The following EI24 variants were observed in gnomAD, a reference collection of about 807,000 sequenced individuals.
EI24 encodes etoposide-induced protein 2.4 homolog.
Under a neutral mutation model 48.6 loss-of-function variants are expected in EI24, and 21 were observed. That is an observed-to-expected ratio of 0.43 (90% CI 0.31 to 0.62). The LOEUF is 0.62. Ranked by LOEUF, EI24 falls within the 20% of genes least tolerant of loss-of-function variation. EI24 has a pLI of 0.10. For synonymous variants in EI24, 114 were observed against 145.5 expected (o/e 0.78, Z 1.56); for missense variants, 280 against 410.5 (o/e 0.68, Z 2.75).
intron 9 of EI24, among the ~76,000 whole-genome samples, chr11:125,581,852 G>A (rs1328617315): frequency 1.3e-5 from 2 of 151,880 alleles, no homozygotes; most frequent in Admixed American, 6.6e-5. Context: ...CAGCCCTGCA[G>A]CAATGTTAAA....
intron 9 of EI24, 96 bp downstream of exon 9, chr11:125,581,418 T>C: frequency 1.5e-6 from 1 of 658,472 alleles, no homozygotes; most frequent in Non-Finnish European, 2.5e-6. Flanking sequence ...GCATTCTACA[T>C]CATCATTTGT....
chr11:125,583,210 C>T (rs1939087836), intron 10 of EI24, among the ~76,000 whole-genome samples: 1 of 152,120 alleles, frequency 6.6e-6, no homozygotes. Flanking sequence ...AAGCGATTCT[C>T]CTGCCTCAGC....
intron 10 of EI24, 125 bp downstream of exon 10, chr11:125,582,545 A>C (rs1453328067): frequency 7.0e-6 from 5 of 718,080 alleles, no homozygotes; most frequent in Non-Finnish European, 1.1e-5. Flanking sequence ...ATAAGGTTTA[A>C]TGAGAGAGAA....
chr11:125,580,178 G>T lies in EI24; in HGVS notation c.647G>T (p.Cys216Phe). Residue 216 changes from cysteine (C) to phenylalanine (F), a missense_variant, in exon 8 of 11, where the codon TGC (cysteine) becomes TTC (phenylalanine). By Grantham distance (205) the Cys-to-Phe change is radical. Transcript: ENST00000278903. ...ATGTCCCTTCTCTACTCACTGTACT[G>T]CTTTGAATATCGTTGGTTCAATAAA... ...LHMSLLYSLY[C>F]FEYRWFNKGI... 1 of 1,613,298 alleles carries T rather than the reference G, an allele frequency of 6.2e-7. No individual in the cohort carries two copies. Among genetic ancestry groups the T allele is most frequent in the Non-Finnish European group, 8.5e-7 (1 of 1,179,292 alleles).
chr11:125,572,431 C>A, intron 1 of EI24, 27 bp from the exon 2 acceptor site: 2 of 1,093,768 alleles, frequency 1.8e-6, no homozygotes, highest in Non-Finnish European at 2.8e-6. Context: ...TAAATATTTG[C>A]CTCCATTATG....
chr11:125,572,689 A>G (rs555170929), intron 2 of EI24, 120 bp downstream of exon 2: 1 of 937,326 alleles, frequency 1.1e-6, no homozygotes, highest in Non-Finnish European at 1.6e-6. Flanking sequence ...GGTTCTTTAC[A>G]TAAAGGTTGT....
intron 6 of EI24, among the ~76,000 whole-genome samples, chr11:125,578,747 G>A (rs192826550): frequency 2.0e-5 from 3 of 152,180 alleles, no homozygotes; most frequent in Admixed American, 1.3e-4. Flanking sequence ...GATTATAGGC[G>A]TGAGCCACGG....
At chr11:125,570,981 TC>T (rs1255225543) in intron 1 of EI24, among the ~76,000 whole-genome samples, 1 of 152,228 alleles carries the variant, frequency 6.6e-6, no homozygotes, top group Non-Finnish European at 1.5e-5. Context: ...AACAGAAGTT[TC>T]TTACCCTAGA....
rs1441885802 is a variant in EI24 at position 125,584,137 on chromosome 11, G to A, written c.*454G>A. On this transcript the variant is annotated 3_prime_UTR_variant, in exon 11 of 11. Coordinates refer to ENST00000278903, the MANE Select transcript of EI24 (RefSeq NM_004879.5). ...TACATTGGATATGGGAGGTAAAGGA[G>A]TGTCCCAGTTGCTCCTGGTCACTCC... 6.1e-6 allele frequency: 1 copy of A among 163,964 alleles called. No individual in the cohort carries two copies. The highest frequency in any genetic ancestry group is 1.3e-5 in the Non-Finnish European group (1 of 76,996). The allele number at this position is 163,964 out of a possible 1,614,324, so 10.2% of individuals were successfully genotyped here.
rs1203700327 is a variant in EI24 at position 125,579,088 on chromosome 11, C to T, written c.561+20C>T. ...ATTCAGGTGAGACTGACCTTCTGGG[C>T]ATATGGGCAGCTTTATTAAAAAGAA... On this transcript the variant is annotated intron_variant, in intron 7 of 10. Coordinates refer to ENST00000278903, the MANE Select transcript of EI24 (RefSeq NM_004879.5). 1 of 1,549,576 alleles carries T rather than the reference C, an allele frequency of 6.5e-7. No homozygotes were observed. Among genetic ancestry groups the T allele is most frequent in the Non-Finnish European group, 8.7e-7 (1 of 1,147,162 alleles).
intron 4 of EI24, among the ~76,000 whole-genome samples, 187 bp from the exon 5 acceptor site, chr11:125,577,317 C>G (rs897514936): frequency 1.3e-5 from 2 of 152,218 alleles, no homozygotes; most frequent in Admixed American, 6.5e-5. Flanking sequence ...GTCTCGAACT[C>G]CTGACCTCAA....
At chr11:125,572,640 A>G in intron 2 of EI24, 71 bp downstream of exon 2, 1 of 1,456,270 alleles carries the variant, frequency 6.9e-7, no homozygotes, top group Non-Finnish European at 9.5e-7. Flanking sequence ...CCATCTAGGA[A>G]ATCCTTTAGG....
chr11:125,582,361 T>C lies in EI24; in HGVS notation c.801T>C (p.Ser267=), dbSNP rs1939048073. The change falls in exon 10 of 11, where the codon TCT becomes TCC. Residue 267 remains serine (S), a synonymous_variant. Coordinates refer to ENST00000278903, the MANE Select transcript of EI24 (RefSeq NM_004879.5). ...SSYIISGCLF[S]ILFPLFIISA... The stretch of plus-strand genomic sequence containing the variant: ...TTTTAAACAGTGGCTGCCTTTTCTC[T>C]ATCCTCTTTCCTTTATTCATTATCA... 2 of 1,585,990 alleles carry C rather than the reference T, an allele frequency of 1.3e-6. No individual in the cohort carries two copies. The highest frequency in any genetic ancestry group is 1.8e-5 in the Admixed American group (1 of 55,846).
At chr11:125,582,463 T>TG in intron 10 of EI24, 43 bp downstream of exon 10, 2 of 1,462,020 alleles carry the variant, frequency 1.4e-6, no homozygotes, top group Non-Finnish European at 1.8e-6. Context: ...TGTAAAGGGT[T>TG]GGGGCTGTAA....
Position 125,577,581 on chromosome 11 carries a change from A to T in EI24, c.316+11A>T, listed in dbSNP as rs1232165260. 1 of 1,609,088 alleles carries T rather than the reference A, an allele frequency of 6.2e-7. No homozygotes were observed. The highest frequency in any genetic ancestry group is 8.5e-7 in the Non-Finnish European group (1 of 1,177,020). On this transcript the variant is annotated intron_variant, in intron 5 of 10. Coordinates refer to ENST00000278903, the MANE Select transcript of EI24 (RefSeq NM_004879.5). Reference sequence around the variant, plus strand: ...CAGCCCGAATTATCGGTAAGTGTATACCCTGCTCCTTGTCTGTTGGGGACA... The same window carrying T: ...CAGCCCGAATTATCGGTAAGTGTATTCCCTGCTCCTTGTCTGTTGGGGACA...
At chr11:125,582,187 C>G (rs369272816) in intron 9 of EI24, among the ~76,000 whole-genome samples, 159 bp from the exon 10 acceptor site, 8 of 151,324 alleles carry the variant, frequency 5.3e-5, no homozygotes, top group East Asian at 1.9e-4. Flanking sequence ...GACAAGAACG[C>G]GACTCCATCT....
chr11:125,577,969 G>A (rs1279894793), intron 5 of EI24, 164 bp from the exon 6 acceptor site: 2 of 749,204 alleles, frequency 2.7e-6, no homozygotes, highest in Non-Finnish European at 4.3e-6. Flanking sequence ...AGAATGTGGT[G>A]CGTCTATTAT....
intron 1 of EI24, chr11:125,569,848 C>T (rs1453676256): frequency 1.8e-5 from 4 of 217,312 alleles, no homozygotes; most frequent in Non-Finnish European, 3.6e-5. Flanking sequence ...ACAGTTGTGC[C>T]TAGGGAGACC....
In EI24 at chr11:125,575,355, A is replaced by AAGT. The variant is rs778264920; in HGVS notation, c.139_141dup (p.Ser47dup). ...GAGAGGAGCAGCGTCGAAGAAGGGC[A>AAGT]AGTAGTGTCTTGGCACAGAGAAGAG... On this transcript the variant is annotated inframe_insertion, in exon 3 of 11. Transcript: ENST00000278903. The AAGT allele has an allele frequency of 3.8e-6, 6 of 1,589,372 alleles. No individual in the cohort carries two copies. Among genetic ancestry groups the AAGT allele is most frequent in the Non-Finnish European group, 5.1e-6 (6 of 1,167,972 alleles).
Sources: allele counts gnomAD v4.1 joint callset (sites outside exome capture counted in the v4.1 genomes callset), GRCh38; gene constraint gnomAD v4.1.1; transcripts MANE v1.5; gene names NCBI Gene and HGNC (gene_info 2026-07-23, HGNC 2026-07-21).